The following RCE1 variants were observed in gnomAD, a reference collection of about 807,000 sequenced individuals.
RCE1 encodes Ras converting CAAX endopeptidase 1.
A neutral mutation model predicts 35.0 loss-of-function variants in RCE1; 15 were observed. The observed-to-expected ratio is 0.43, with a 90% confidence interval of 0.29 to 0.66. The LOEUF (loss-of-function observed/expected upper bound fraction) is 0.66, where lower values mean the gene tolerates loss of function less well. Among genes scored for constraint, RCE1 ranks in the 30% least tolerant of loss-of-function variants. The probability of loss-of-function intolerance (pLI) is 0.17; values close to 1 mark genes in which losing one functional copy is unlikely to be tolerated. For missense variants in RCE1, 434 were observed against 433.0 expected, an observed-to-expected ratio of 1.00 and a Z score of -0.02; for synonymous variants, 261 against 192.7, an observed-to-expected ratio of 1.35 and a Z score of -2.94.
chr11:66,843,976 C>T lies in RCE1; in HGVS notation c.309C>T (p.Thr103=), dbSNP rs1945150370. ...TGIQPGTSLL[T]LMGFRLEGIF... The stretch of plus-strand genomic sequence containing the variant: ...CTCAGCCAGGCACATCCCTGCTCAC[C>T]CTGATGGGCTTCAGGCTGGAGGGCA... Residue 103 remains threonine (T), a synonymous_variant, in exon 3 of 8, where the codon ACC becomes ACT. Coordinates refer to ENST00000309657, the MANE Select transcript of RCE1 (RefSeq NM_005133.3). 7.4e-6 allele frequency: 12 copies of T among 1,614,174 alleles called. No homozygotes were observed. In the East Asian group the frequency reaches 2.5e-4, roughly 33 times the overall value.
intron 6 of RCE1, 91 bp from the exon 7 acceptor site, chr11:66,845,409 G>A: frequency 6.2e-7 from 1 of 1,602,312 alleles, no homozygotes; most frequent in Non-Finnish European, 8.5e-7. Flanking sequence ...GCCCCGGGGG[G>A]AGGGGATGGT....
At chr11:66,845,111 C>A in intron 5 of RCE1, 55 bp from the exon 6 acceptor site, 1 of 1,613,754 alleles carries the variant, frequency 6.2e-7, no homozygotes, top group Non-Finnish European at 8.5e-7. Context: ...GAGGGGCAGT[C>A]CTAGAAGGGA....
rs1259398613 is a variant in RCE1 at position 66,843,967 on chromosome 11, C to T, written c.300C>T (p.Ser100=). 13 of 1,614,140 alleles carry T rather than the reference C, an allele frequency of 8.1e-6. No homozygotes were observed. Among genetic ancestry groups the T allele is most frequent in the Non-Finnish European group, 1.1e-5 (13 of 1,180,030 alleles). The change falls in exon 3 of 8, where the codon TCC becomes TCT. Residue 100 remains serine, a synonymous_variant. Transcript: ENST00000309657. The stretch of plus-strand genomic sequence containing the variant: ...TTCCTGTGGCTCAGCCAGGCACATC[C>T]CTGCTCACCCTGATGGGCTTCAGGC... The part of the protein sequence containing the change: ...RELTGIQPGT[S]LLTLMGFRLE...
At position 66,844,050 on chromosome 11, in the gene RCE1, C is replaced by T; in HGVS notation, c.372+11C>T. The stretch of plus-strand genomic sequence containing the variant: ...CTGTTGCTGACCATGGTGAGTGCTC[C>T]TGCTGTATTTTTTCTTCTGGTCTTT... On this transcript the variant is annotated intron_variant, in intron 3 of 7. Coordinates refer to ENST00000309657, the MANE Select transcript of RCE1 (RefSeq NM_005133.3). 1.2e-6 allele frequency: 2 copies of T among 1,614,026 alleles called. No homozygotes were observed. The highest frequency in any genetic ancestry group is 1.7e-6 in the Non-Finnish European group (2 of 1,180,014).
intron 1 of RCE1, 32 bp downstream of exon 1, chr11:66,843,672 C>T: frequency 6.2e-7 from 1 of 1,602,492 alleles, no homozygotes; most frequent in Non-Finnish European, 8.5e-7. Context: ...GGAATCCGCG[C>T]CCTGCGGGCG....
chr11:66,843,512 G>A lies in RCE1; in HGVS notation c.57G>A (p.Arg19=). 4 of 1,495,662 alleles carry A rather than the reference G, an allele frequency of 2.7e-6. No homozygotes were observed. Among genetic ancestry groups the A allele is most frequent in the Non-Finnish European group, 3.5e-6 (4 of 1,132,732 alleles). 92.6% of individuals were successfully genotyped at this position (1,495,662 alleles called of 1,614,324 possible). ...TGCTGTCGGTGTCGCGGCCGGAGCG[G>A]CCGCCCGAGTCGGCGGCGCTGGGCG... ...LRLLSVSRPE[R]PPESAALGGL... is the part of the protein sequence containing the mutation. Residue 19 remains arginine (R), a synonymous_variant, in exon 1 of 8, where the codon CGG becomes CGA. Transcript: ENST00000309657.
intron 7 of RCE1, 117 bp from the exon 8 acceptor site, chr11:66,845,743 G>A (rs1945198467): frequency 1.4e-6 from 2 of 1,466,530 alleles, no homozygotes; most frequent in Non-Finnish European, 1.8e-6. Context: ...GTGTGTGGGT[G>A]GATGGCTGGG....
chr11:66,844,821 C>G, intron 4 of RCE1, 48 bp from the exon 5 acceptor site: 1 of 1,498,080 alleles, frequency 6.7e-7, no homozygotes, highest in African/African-American at 1.4e-5. Flanking sequence ...TGGGGTCTCA[C>G]TGTCTGACAG....
At chr11:66,844,483 T>C (rs1945163733) in intron 4 of RCE1, 119 bp downstream of exon 4, 2 of 1,358,068 alleles carry the variant, frequency 1.5e-6, no homozygotes, top group Admixed American at 3.9e-5. Context: ...TGGGTGTGTT[T>C]TCTCATCAGT....
At chr11:66,844,234 A>G in intron 3 of RCE1, 52 bp from the exon 4 acceptor site, 3 of 1,613,216 alleles carry the variant, frequency 1.9e-6, no homozygotes, top group African/African-American at 2.7e-5. Flanking sequence ...AGCATGGGCA[A>G]AGGTCTGGGC....
intron 6 of RCE1, 39 bp from the exon 7 acceptor site, chr11:66,845,461 G>C (rs752064520): frequency 1.2e-6 from 2 of 1,614,000 alleles, no homozygotes; most frequent in South Asian, 2.2e-5. Flanking sequence ...GGCAGGAAGG[G>C]CGTGCAGGTG....
chr11:66,845,764 C>T (rs1945198775), intron 7 of RCE1, 96 bp from the exon 8 acceptor site: 2 of 1,514,980 alleles, frequency 1.3e-6, no homozygotes, highest in Non-Finnish European at 1.8e-6. Flanking sequence ...GTAGTGGGAT[C>T]TTGATCTCCT....
chr11:66,844,399 A>G, intron 4 of RCE1, 35 bp downstream of exon 4: 1 of 1,612,970 alleles, frequency 6.2e-7, no homozygotes, highest in South Asian at 1.1e-5. Context: ...AAGTAGGCAC[A>G]GGCAGTCCAG....
At chr11:66,843,668 C>T (rs1234917183) in intron 1 of RCE1, 28 bp downstream of exon 1, 2 of 1,602,630 alleles carry the variant, frequency 1.2e-6, no homozygotes, top group East Asian at 2.2e-5. Context: ...GACCGGAATC[C>T]GCGCCCTGCG....
intron 6 of RCE1, 122 bp downstream of exon 6, chr11:66,845,359 G>C (rs941864970): frequency 6.3e-6 from 10 of 1,580,834 alleles, no homozygotes; most frequent in Non-Finnish European, 8.7e-6. Flanking sequence ...TGGGAAGTTG[G>C]GGTGCAGGAC....
chr11:66,843,931 T>C, intron 2 of RCE1, 25 bp from the exon 3 acceptor site: 2 of 1,614,064 alleles, frequency 1.2e-6, no homozygotes, highest in Non-Finnish European at 1.7e-6. Context: ...GAAGCAAAAC[T>C]GATGCCCCCT....
chr11:66,846,414 T>TA lies in RCE1; in HGVS notation c.*319_*320insA. The TA allele has an allele frequency of 3.9e-6, 1 of 253,932 alleles. No individual in the cohort carries two copies. Among genetic ancestry groups the TA allele is most frequent in the South Asian group, 9.3e-5 (1 of 10,782 alleles). The allele number at this position is 253,932 out of a possible 1,614,324, so 15.7% of individuals were successfully genotyped here. A position where few individuals can be genotyped will look rare whatever the true frequency, so the allele number is the denominator to read the frequency against. On this transcript the variant is annotated 3_prime_UTR_variant, in exon 8 of 8. Coordinates refer to ENST00000309657, the MANE Select transcript of RCE1 (RefSeq NM_005133.3). ...TGCCTCTGAAAAGCTGCTCGGGGTT[T>TA]TTTATTTATAAAACCTCTCCCCACC...
chr11:66,845,388 A>G (rs897631458), intron 6 of RCE1, 112 bp from the exon 7 acceptor site: 50 of 1,582,842 alleles, frequency 3.2e-5, no homozygotes, highest in Non-Finnish European at 3.9e-5. Context: ...GTGGTGGGGC[A>G]GGCAGCTACT....
At chr11:66,844,432 G>A (rs1466869244) in intron 4 of RCE1, 68 bp downstream of exon 4, 3 of 1,586,092 alleles carry the variant, frequency 1.9e-6, no homozygotes, top group South Asian at 2.2e-5. Flanking sequence ...GGGAGTCAGC[G>A]GGCTCAGGGT....
Sources: gnomAD v4.1 joint callset for allele counts on GRCh38, gnomAD v4.1.1 for gene constraint, MANE v1.5 for transcripts, NCBI Gene and HGNC (gene_info 2026-07-23, HGNC 2026-07-21) for gene names.